Variants in MGLL observed in about 807,000 individuals in gnomAD.
MGLL encodes the protein lysophospholipase homolog.
MGLL carries 7 observed loss-of-function variants against 29.1 expected under a neutral mutation model. The observed-to-expected ratio is 0.24, with a 90% CI of 0.14 to 0.45. The LOEUF is 0.45. Ranked by LOEUF, MGLL falls within the 20% of genes least tolerant of loss-of-function variation. The probability of loss-of-function intolerance (pLI) is 0.99; values close to 1 mark genes in which losing one functional copy is unlikely to be tolerated. For missense variants in MGLL, 356 were observed against 413.6 expected, an observed-to-expected ratio of 0.86 and a Z score of 1.21; for synonymous variants, 148 against 168.3, an observed-to-expected ratio of 0.88 and a Z score of 0.93.
intron 6 of MGLL, among the ~76,000 whole-genome samples, chr3:127,706,973 G>T (rs981819985): frequency 6.6e-6 from 1 of 152,186 alleles, no homozygotes; most frequent in African/African-American, 2.4e-5. Context: ...AGGCAACAGG[G>T]GGACCTGGAG....
At chr3:127,781,205 C>T (rs189794810) in intron 3 of MGLL, among the ~76,000 whole-genome samples, 3 of 151,980 alleles carry the variant, frequency 2.0e-5, no homozygotes, top group Admixed American at 1.3e-4. Context: ...GTGTGTTTTA[C>T]GTGTATGTGT....
intron 3 of MGLL, among the ~76,000 whole-genome samples, chr3:127,727,540 C>T (rs551877093): frequency 1.5e-4 from 22 of 151,698 alleles, no homozygotes; most frequent in African/African-American, 5.1e-4. Context: ...GGCAAAACCC[C>T]ATCTCTACAA....
chr3:127,750,024 C>T (rs1349463028), intron 3 of MGLL, among the ~76,000 whole-genome samples: 2 of 152,018 alleles, frequency 1.3e-5, no homozygotes, highest in African/African-American at 4.8e-5. Context: ...TCACGGGGGC[C>T]TTGTAGGCTT....
intron 7 of MGLL, among the ~76,000 whole-genome samples, chr3:127,692,667 A>G (rs749865538): frequency 2.5e-4 from 38 of 152,094 alleles, no homozygotes; most frequent in Non-Finnish European, 4.1e-4. Flanking sequence ...CCTGACCTCC[A>G]CGGGGTCCTC....
intron 3 of MGLL, among the ~76,000 whole-genome samples, chr3:127,743,118 T>C (rs993533056): frequency 6.6e-6 from 1 of 152,214 alleles, no homozygotes; most frequent in Non-Finnish European, 1.5e-5. Context: ...CCCAGCCTGT[T>C]TGAGCCATTT....
rs114735259 is a variant in MGLL at position 127,794,457 on chromosome 3, A to C, written c.156-12562T>G. 8.7e-3 allele frequency among the ~76,000 whole-genome samples: 1,315 copies of C among 151,996 alleles called. 22 individuals are homozygous for C. The highest frequency in any genetic ancestry group is 0.03 in the African/African-American group (1,261 of 41,442). On this transcript the variant is annotated intron_variant, in intron 2 of 7. Transcript: ENST00000265052. ...GTCTTCTATGATGTAAGGATGTCTT[A>C]TATGATGTAAGGCTGTCTTCTATGA...
intron 2 of MGLL, among the ~76,000 whole-genome samples, chr3:127,816,227 G>A (rs757852941): frequency 6.6e-6 from 1 of 152,188 alleles, no homozygotes; most frequent in Non-Finnish European, 1.5e-5. Flanking sequence ...TGCGGCCTGG[G>A]GAGATGGAAA....
At chr3:127,784,934 T>C (rs1461114551) in intron 2 of MGLL, among the ~76,000 whole-genome samples, 1 of 152,192 alleles carries the variant, frequency 6.6e-6, no homozygotes, top group African/African-American at 2.4e-5. Context: ...GTTGTCTGCC[T>C]CTGAAACACC....
chr3:127,770,039 A>G (rs764352728), intron 3 of MGLL, among the ~76,000 whole-genome samples: 12 of 152,214 alleles, frequency 7.9e-5, no homozygotes, highest in Non-Finnish European at 1.5e-4. Flanking sequence ...ACTCGCAAAG[A>G]GCTTTCATAC....
intron 3 of MGLL, among the ~76,000 whole-genome samples, chr3:127,738,617 AG>A (rs1299369063): frequency 6.6e-6 from 1 of 152,076 alleles, no homozygotes; most frequent in Non-Finnish European, 1.5e-5. Context: ...GCCTGCAGAG[AG>A]GTTAGAAAGG....
intron 3 of MGLL, among the ~76,000 whole-genome samples, chr3:127,774,500 A>C (rs375415577): frequency 6.6e-6 from 1 of 152,084 alleles, no homozygotes; most frequent in African/African-American, 2.4e-5. Context: ...TGAAGGAAGA[A>C]GAGTTCCTTC....
chr3:127,729,478 T>C (rs1412971085), intron 3 of MGLL, among the ~76,000 whole-genome samples: 1 of 152,210 alleles, frequency 6.6e-6, no homozygotes, highest in East Asian at 1.9e-4. Context: ...AGACCTTTTT[T>C]TCAATTCAGT....
At chr3:127,795,765 C>T (rs1433799730) in intron 2 of MGLL, among the ~76,000 whole-genome samples, 1 of 152,134 alleles carries the variant, frequency 6.6e-6, no homozygotes. Context: ...CACACACCAA[C>T]TCACACATAT....
At chr3:127,709,221 C>T (rs1346738534) in intron 6 of MGLL, among the ~76,000 whole-genome samples, 1 of 152,212 alleles carries the variant, frequency 6.6e-6, no homozygotes, top group African/African-American at 2.4e-5. Context: ...CCAGGGGCCA[C>T]ACACTGGTCC....
Position 127,731,698 on chromosome 3 carries a change from G to A in MGLL, c.263-9132C>T, listed in dbSNP as rs555902543. 4.2e-4 allele frequency among the ~76,000 whole-genome samples: 64 copies of A among 152,172 alleles called. 1 individual carries two copies. The highest frequency in any genetic ancestry group is 1.5e-3 in the African/African-American group (62 of 41,508). ...TGCACCTCACCTGTTCTTCCCCTCG[G>A]AAGCCACAATAAAAGCCCCGGCCCA... On this transcript the variant is annotated intron_variant, in intron 3 of 7. Coordinates refer to ENST00000265052, the MANE Select transcript of MGLL (RefSeq NM_007283.7).
At chr3:127,700,851 G>A (rs72973309) in intron 6 of MGLL, among the ~76,000 whole-genome samples, 234 of 152,288 alleles carry the variant, frequency 1.5e-3, no homozygotes, top group African/African-American at 5.4e-3. Context: ...TTTTGGAGCC[G>A]CTTGGCATTG....
intron 3 of MGLL, among the ~76,000 whole-genome samples, chr3:127,771,113 C>T (rs2076940252): frequency 1.3e-5 from 2 of 152,194 alleles, no homozygotes; most frequent in South Asian, 4.1e-4. Context: ...CTGCCTATGT[C>T]TCAACCCTAC....
chr3:127,708,300 T>C (rs1434546405), intron 6 of MGLL, among the ~76,000 whole-genome samples: 2 of 152,192 alleles, frequency 1.3e-5, no homozygotes, highest in African/African-American at 2.4e-5. Flanking sequence ...CAGTCCAGCC[T>C]TGGGGCTGAC....
chr3:127,777,139 C>T (rs1008619455), intron 3 of MGLL, among the ~76,000 whole-genome samples: 3 of 152,152 alleles, frequency 2.0e-5, no homozygotes, highest in South Asian at 2.1e-4. Flanking sequence ...AGAACAAACA[C>T]CCAATTAGGA....
Sources: gnomAD v4.1 joint callset for allele counts (sites outside exome capture counted in the v4.1 genomes callset) on GRCh38, gnomAD v4.1.1 for gene constraint, MANE v1.5 for transcripts, NCBI Gene and HGNC (gene_info 2026-07-23, HGNC 2026-07-21) for gene names.